CMTM4: variants seen among roughly 807,000 people sequenced by gnomAD.
The protein encoded by CMTM4 is CKLF like MARVEL transmembrane domain containing 4, also known as CKLF-like MARVEL transmembrane domain-containing protein 4.
CMTM4 carries 8 observed loss-of-function variants against 19.0 expected under a neutral mutation model. The ratio of observed to expected loss-of-function variants is 0.42; its 90% CI spans 0.25 to 0.76. CMTM4 has a LOEUF of 0.76. Ranked by LOEUF, CMTM4 falls within the 30% of genes least tolerant of loss-of-function variation. CMTM4 has a pLI of 0.27. For missense variants in CMTM4, 228 were observed against 290.2 expected, an observed-to-expected ratio of 0.79 and a Z score of 1.56; for synonymous variants, 106 against 121.1, an observed-to-expected ratio of 0.88 and a Z score of 0.82.
chr16:66,607,347 A>G, the CMTM4 span, among the ~76,000 whole-genome samples: 2 of 152,228 alleles, frequency 1.3e-5, no homozygotes, highest in African/African-American at 4.8e-5. Context: ...CACCTTTCAC[A>G]GCTGGCCCTG....
Position 66,619,299 on chromosome 16 carries a change from T to C in CMTM4, c.*2759A>G. ...GAGGACATCAGTGTTTGCATCCATC[T>C]AAAACCACCAGAGGTTCCACCAAAT... is the stretch of plus-strand genomic sequence containing the variant. On this transcript the variant is annotated 3_prime_UTR_variant, in exon 4 of 4. Transcript: ENST00000394106. 1.0e-6 allele frequency: 1 copy of C among 985,468 alleles called. No individual in the cohort carries two copies. Among genetic ancestry groups the C allele is most frequent in the Non-Finnish European group, 1.2e-6 (1 of 829,936 alleles). The allele number at this position is 985,468 out of a possible 1,614,324, so 61.0% of individuals were successfully genotyped here.
At chr16:66,639,541 G>T (rs1438026818) in intron 1 of CMTM4, among the ~76,000 whole-genome samples, 1 of 152,122 alleles carries the variant, frequency 6.6e-6, no homozygotes, top group East Asian at 1.9e-4. Context: ...AGCAGGGAAG[G>T]TGAACAAAGC....
chr16:66,684,403 C>T (rs1381054229), intron 1 of CMTM4, among the ~76,000 whole-genome samples: 1 of 152,138 alleles, frequency 6.6e-6, no homozygotes, highest in Non-Finnish European at 1.5e-5. Context: ...TCTCAAACTC[C>T]TGACCTCAAG....
At chr16:66,645,118 T>C (rs1213144160) in intron 1 of CMTM4, among the ~76,000 whole-genome samples, 1 of 151,690 alleles carries the variant, frequency 6.6e-6, no homozygotes, top group Non-Finnish European at 1.5e-5. Flanking sequence ...ACCCAGTCTC[T>C]ACTAAAAATA....
At chr16:66,682,819 G>A (rs1372896687) in intron 1 of CMTM4, among the ~76,000 whole-genome samples, 1 of 151,736 alleles carries the variant, frequency 6.6e-6, no homozygotes, top group Non-Finnish European at 1.5e-5. Context: ...AAAGATACTT[G>A]CTTGACAGAT....
At chr16:66,648,131 T>C (rs996351206) in intron 1 of CMTM4, among the ~76,000 whole-genome samples, 1 of 152,222 alleles carries the variant, frequency 6.6e-6, no homozygotes, top group Non-Finnish European at 1.5e-5. Context: ...AGCTGCCAAG[T>C]GCATCACTTT....
chr16:66,634,459 C>A (rs1258877338), intron 2 of CMTM4, among the ~76,000 whole-genome samples: 3 of 150,462 alleles, frequency 2.0e-5, no homozygotes, highest in African/African-American at 7.3e-5. Context: ...AAAAAAAAAA[C>A]CCAAAAACAA....
chr16:66,686,488 G>C (rs2017034660), intron 1 of CMTM4, among the ~76,000 whole-genome samples: 1 of 149,598 alleles, frequency 6.7e-6, no homozygotes, highest in Non-Finnish European at 1.5e-5. Context: ...GGTGGAGGTT[G>C]CAGTGAGCCA....
At chr16:66,613,413 C>G (rs1373761783), downstream of CMTM4, 1 of 393,102 alleles carries the variant, frequency 2.5e-6, no homozygotes, top group Non-Finnish European at 4.7e-6. Flanking sequence ...CCTCCTTCTT[C>G]CTAGAGCCCA....
chr16:66,617,595 A>G lies in CMTM4; in HGVS notation c.*4463T>C. On this transcript the variant is annotated 3_prime_UTR_variant, in exon 4 of 4. Transcript: ENST00000394106. Reference sequence around the variant, plus strand: ...TTTTCTCTCACAGTTTCTAAATAAAAGAAACATAAAAGGTCAAATATTTTA... The same window carrying G: ...TTTTCTCTCACAGTTTCTAAATAAAGGAAACATAAAAGGTCAAATATTTTA... 5 of 1,254,884 alleles carry G rather than the reference A, an allele frequency of 4.0e-6. No homozygotes were observed. The highest frequency in any genetic ancestry group is 5.0e-6 in the Non-Finnish European group (5 of 994,976). The allele number at this position is 1,254,884 out of a possible 1,614,324, so 77.7% of individuals were successfully genotyped here.
At chr16:66,609,535 G>C in the CMTM4 span, 1 of 1,590,112 alleles carries the variant, frequency 6.3e-7, no homozygotes, top group African/African-American at 1.3e-5. This position sits in a 1 kb window ranked among gnomAD's most constrained non-coding sequence, Gnocchi z 4.4. Flanking sequence ...GCTGGGGTGA[G>C]CAGCCGCCCC....
chr16:66,619,526 T>C lies in CMTM4; in HGVS notation c.*2532A>G, dbSNP rs574330314. On this transcript the variant is annotated 3_prime_UTR_variant, in exon 4 of 4. Coordinates refer to ENST00000394106, the MANE Select transcript of CMTM4 (RefSeq NM_181521.3). ...TGAAACTATTAAACGCAAAAACGCT[T>C]CCTTCAATTTGCCAAGAGGTCATTT... is the stretch of plus-strand genomic sequence containing the variant. 199 of 985,418 alleles carry C rather than the reference T, an allele frequency of 2.0e-4. 4 individuals are homozygous for C. In the South Asian group the frequency reaches 8.5e-3, roughly 42 times the overall value. The allele number at this position is 985,418 out of a possible 1,614,324, so 61.0% of individuals were successfully genotyped here.
Position 66,696,413 on chromosome 16 carries a change from C to A in CMTM4, c.113G>T (p.Arg38Leu). Residue 38 changes from arginine (R) to leucine (L), a missense_variant, in exon 1 of 4, where the codon CGC becomes CTC. Physicochemically the swap from Arg to Leu is moderately radical, Grantham distance 102. Around this residue, in one of 3 missense-constraint regions of CMTM4, gnomAD observed 200 missense variants for 226.6 expected, o/e 0.88. Coordinates refer to ENST00000394106, the MANE Select transcript of CMTM4 (RefSeq NM_181521.3). The surrounding 1 kb of genome is among the most constrained non-coding windows in gnomAD (Gnocchi z 4.3). ...GTCGCAGCGCAGGCCGGCCAGCCCG[C>A]GGCGCTGGCTCACCGGCTCGGTGGT... is the stretch of plus-strand genomic sequence containing the variant. ...QPTTEPVSQR[R>L]GLAGLRCDPD... The A allele has an allele frequency of 7.1e-7, 1 of 1,406,236 alleles. No homozygotes were observed. The highest frequency in any genetic ancestry group is 9.2e-7 in the Non-Finnish European group (1 of 1,081,852). The allele number at this position is 1,406,236 out of a possible 1,614,324, so 87.1% of individuals were successfully genotyped here. A position where few individuals can be genotyped will look rare whatever the true frequency, so the allele number is the denominator to read the frequency against.
intron 1 of CMTM4, among the ~76,000 whole-genome samples, chr16:66,678,710 C>T (rs1029703559): frequency 1.1e-4 from 17 of 152,324 alleles, no homozygotes; most frequent in Non-Finnish European, 1.9e-4. Context: ...GTGCATGTGT[C>T]TGCTCTTTGA....
At chr16:66,651,292 T>C (rs1371737989) in intron 1 of CMTM4, among the ~76,000 whole-genome samples, 2 of 152,146 alleles carry the variant, frequency 1.3e-5, no homozygotes, top group East Asian at 1.9e-4. Context: ...AGCCACTCTT[T>C]ATACACACGC....
At chr16:66,685,544 A>G (rs1035697421) in intron 1 of CMTM4, among the ~76,000 whole-genome samples, 12 of 152,264 alleles carry the variant, frequency 7.9e-5, no homozygotes, top group Non-Finnish European at 1.5e-4. Flanking sequence ...CCAGGTATGC[A>G]TTCATTCTAC....
At chr16:66,637,428 C>T (rs1355949812) in intron 1 of CMTM4, among the ~76,000 whole-genome samples, 1 of 152,042 alleles carries the variant, frequency 6.6e-6, no homozygotes, top group Non-Finnish European at 1.5e-5. Flanking sequence ...CTTGTAATCC[C>T]AGCTACTCAG....
intron 1 of CMTM4, among the ~76,000 whole-genome samples, chr16:66,644,804 T>C (rs1203541013): frequency 6.6e-6 from 1 of 152,192 alleles, no homozygotes; most frequent in African/African-American, 2.4e-5. Flanking sequence ...AATAAACACA[T>C]CAACAGATGC....
intron 1 of CMTM4, among the ~76,000 whole-genome samples, chr16:66,673,746 T>G (rs1406760130): frequency 1.3e-5 from 2 of 152,252 alleles, no homozygotes; most frequent in Admixed American, 6.5e-5. Flanking sequence ...CCTCAGCCAG[T>G]GTTCTCTTCT....
Sources: gnomAD v4.1 joint callset for allele counts (sites outside exome capture counted in the v4.1 genomes callset) on GRCh38, gnomAD v4.1.1 for gene constraint, gnomAD v4.1.1 regional missense constraint, Gnocchi (gnomAD v3.1) non-coding constraint, MANE v1.5 for transcripts, NCBI Gene and HGNC (gene_info 2026-07-23, HGNC 2026-07-21) for gene names.